The following CPNE4 variants were observed in gnomAD, a reference collection of about 807,000 sequenced individuals.
CPNE4 encodes the protein copine-4.
CPNE4 carries 25 observed loss-of-function variants against 67.9 expected under a neutral mutation model. The observed-to-expected ratio is 0.37, with a 90% CI of 0.27 to 0.51. The LOEUF (loss-of-function observed/expected upper bound fraction) is 0.51, where lower values mean the gene tolerates loss of function less well. Ranked by LOEUF, CPNE4 falls within the 20% of genes least tolerant of loss-of-function variation. The pLI, the probability that CPNE4 is intolerant of heterozygous loss-of-function variation, is 0.93. For synonymous variants in CPNE4, 242 were observed against 244.9 expected, an observed-to-expected ratio of 0.99 and a Z score of 0.11; for missense variants, 464 against 690.8, an observed-to-expected ratio of 0.67 and a Z score of 3.68.
At chr3:131,790,415 C>T (rs780049480) in intron 2 of CPNE4, among the ~76,000 whole-genome samples, 2 of 152,054 alleles carry the variant, frequency 1.3e-5, no homozygotes, top group African/African-American at 2.4e-5. Context: ...GTCTGGATAC[C>T]CCCTACCCCA....
At chr3:131,541,432 G>C (rs541606839) in intron 15 of CPNE4, among the ~76,000 whole-genome samples, 1 of 152,268 alleles carries the variant, frequency 6.6e-6, no homozygotes, top group African/African-American at 2.4e-5. Context: ...TCTGCCTCAA[G>C]GCCCTTGGGG....
chr3:131,698,230 T>A (rs1279843137), intron 4 of CPNE4, among the ~76,000 whole-genome samples: 2 of 22,100 alleles, frequency 9.0e-5, no homozygotes, highest in African/African-American at 1.5e-4. Context: ...CAAGGCTCTG[T>A]CTCAAAAAAA....
chr3:131,850,398 C>T (rs185936059), intron 2 of CPNE4, among the ~76,000 whole-genome samples: 40 of 152,094 alleles, frequency 2.6e-4, no homozygotes, highest in South Asian at 1.2e-3. Context: ...AGCTGTGTGG[C>T]CTCGGACAAG....
chr3:132,012,189 T>TC (rs1202040226), intron 1 of CPNE4, among the ~76,000 whole-genome samples: 1 of 151,072 alleles, frequency 6.6e-6, no homozygotes, highest in Admixed American at 6.6e-5. Flanking sequence ...TTTTTTTTTT[T>TC]AGACAGTCTC....
At chr3:131,775,222 T>G (rs1272075301) in intron 2 of CPNE4, among the ~76,000 whole-genome samples, 1 of 152,098 alleles carries the variant, frequency 6.6e-6, no homozygotes. Context: ...AGGAGAGAAG[T>G]GTCTGGGGCT....
chr3:132,029,665 T>C (rs2107701306), intron 1 of CPNE4, among the ~76,000 whole-genome samples: 1 of 152,346 alleles, frequency 6.6e-6, no homozygotes, highest in African/African-American at 2.4e-5. Flanking sequence ...AACCTGAGCT[T>C]TCTAAAGTTA....
At chr3:131,653,842 C>T (rs1171179724) in intron 7 of CPNE4, among the ~76,000 whole-genome samples, 4 of 152,160 alleles carry the variant, frequency 2.6e-5, no homozygotes, top group Admixed American at 2.6e-4. Context: ...GTTTATGCAA[C>T]TTACACGTCA....
intron 7 of CPNE4, among the ~76,000 whole-genome samples, chr3:131,600,541 G>A (rs1162340344): frequency 2.0e-5 from 3 of 152,094 alleles, no homozygotes; most frequent in Non-Finnish European, 4.4e-5. Flanking sequence ...TAAATATTGG[G>A]CATACCACCA....
chr3:131,609,888 T>C (rs1939732907), intron 7 of CPNE4, among the ~76,000 whole-genome samples: 1 of 152,128 alleles, frequency 6.6e-6, no homozygotes, highest in Non-Finnish European at 1.5e-5. Context: ...CTCATCTAGT[T>C]GATATAAGAG....
chr3:131,720,990 A>G (rs2061871), intron 3 of CPNE4, among the ~76,000 whole-genome samples: 115,234 of 152,142 alleles, frequency 0.76, 43,888 homozygotes, highest in Non-Finnish European at 0.81. Context: ...TCAAGTCAGT[A>G]TAAATGTCAC....
intron 2 of CPNE4, among the ~76,000 whole-genome samples, chr3:131,832,698 G>A (rs1044930698): frequency 1.3e-5 from 2 of 152,164 alleles, no homozygotes; most frequent in Non-Finnish European, 2.9e-5. Context: ...TTCACAGATG[G>A]AGAGCAATTT....
chr3:131,874,278 C>T (rs1023253871), intron 2 of CPNE4, among the ~76,000 whole-genome samples: 1 of 152,026 alleles, frequency 6.6e-6, no homozygotes, highest in African/African-American at 2.4e-5. Flanking sequence ...TCAGTAGAGA[C>T]GGGGTTGCAC....
chr3:131,749,649 A>G (rs1383812172), intron 2 of CPNE4, among the ~76,000 whole-genome samples: 3 of 152,146 alleles, frequency 2.0e-5, no homozygotes, highest in African/African-American at 7.2e-5. Flanking sequence ...ATGTATACAC[A>G]TTTAAGATTG....
chr3:131,673,434 A>G (rs573553864), intron 6 of CPNE4, among the ~76,000 whole-genome samples: 1 of 152,220 alleles, frequency 6.6e-6, no homozygotes, highest in African/African-American at 2.4e-5. Context: ...TAGTATGCAC[A>G]TTTTAATAAT....
At chr3:131,853,217 A>T (rs570041906) in intron 2 of CPNE4, among the ~76,000 whole-genome samples, 1 of 152,040 alleles carries the variant, frequency 6.6e-6, no homozygotes, top group South Asian at 2.1e-4. Flanking sequence ...ATATAAGGAT[A>T]GACAAATAGA....
intron 10 of CPNE4, among the ~76,000 whole-genome samples, chr3:131,569,785 G>C (rs1337009628): frequency 4.0e-5 from 6 of 151,756 alleles, no homozygotes; most frequent in Non-Finnish European, 1.5e-5. Flanking sequence ...TCTGGGAGAA[G>C]TTGCATTCAG....
intron 12 of CPNE4, among the ~76,000 whole-genome samples, chr3:131,554,138 C>T (rs1194905879): frequency 1.3e-5 from 2 of 152,062 alleles, no homozygotes; most frequent in Admixed American, 6.6e-5. Context: ...GTGGTGAAAA[C>T]TCAAGAATCC....
intron 7 of CPNE4, among the ~76,000 whole-genome samples, chr3:131,659,129 TA>T (rs2080057592): frequency 6.6e-6 from 1 of 152,204 alleles, no homozygotes; most frequent in African/African-American, 2.4e-5. Context: ...TATCTCATAT[TA>T]AAAATATTTT....
intron 3 of CPNE4, among the ~76,000 whole-genome samples, chr3:131,718,424 T>G (rs1227874323): frequency 2.6e-5 from 4 of 152,198 alleles, no homozygotes; most frequent in African/African-American, 9.6e-5. Flanking sequence ...CTATCTGGCA[T>G]CCTCTATCCT....
Sources: gnomAD v4.1 joint callset for allele counts (sites outside exome capture counted in the v4.1 genomes callset) on GRCh38, gnomAD v4.1.1 for gene constraint, MANE v1.5 for transcripts, NCBI Gene and HGNC (gene_info 2026-07-23, HGNC 2026-07-21) for gene names.